Variants in MYO16 observed in about 807,000 individuals in gnomAD.
MYO16 encodes unconventional myosin-XVI.
MYO16 carries 94 observed loss-of-function variants against 205.3 expected under a neutral mutation model. The ratio of observed to expected loss-of-function variants is 0.46; its 90% confidence interval spans 0.39 to 0.54. The LOEUF (loss-of-function observed/expected upper bound fraction) is 0.54, where lower values mean the gene tolerates loss of function less well. Among genes scored for constraint, MYO16 ranks in the 20% least tolerant of loss-of-function variants. The pLI, the probability that MYO16 is intolerant of heterozygous loss-of-function variation, is 0.00. For missense variants in MYO16, 2,315 were observed against 2,387.5 expected, an observed-to-expected ratio of 0.97 and a Z score of 0.63; for synonymous variants, 988 against 954.0, an observed-to-expected ratio of 1.04 and a Z score of -0.66.
At chr13:109,185,955 T>G (rs376175259) in intron 34 of MYO16, among the ~76,000 whole-genome samples, 32 of 152,242 alleles carry the variant, frequency 2.1e-4, no homozygotes, top group South Asian at 1.2e-3. Flanking sequence ...GGACTTTTTT[T>G]TCCATTTTGA....
chr13:108,555,645 T>G, the MYO16 span, among the ~76,000 whole-genome samples: 1 of 152,190 alleles, frequency 6.6e-6, no homozygotes, highest in African/African-American at 2.4e-5. Flanking sequence ...ATACAAGAAT[T>G]TGTCATTAAC....
intron 16 of MYO16, among the ~76,000 whole-genome samples, chr13:108,939,897 T>C (rs1882651717): frequency 6.6e-6 from 1 of 152,164 alleles, no homozygotes; most frequent in African/African-American, 2.4e-5. Context: ...ATATCATATA[T>C]TAGCTTTACT....
At chr13:108,580,265 C>A in the MYO16 span, among the ~76,000 whole-genome samples, 1 of 152,134 alleles carries the variant, frequency 6.6e-6, no homozygotes, top group Non-Finnish European at 1.5e-5. Context: ...CTAAATCATA[C>A]CCATAATGCA....
chr13:108,652,378 G>C (rs1199201887), intron 1 of MYO16, among the ~76,000 whole-genome samples: 1 of 152,194 alleles, frequency 6.6e-6, no homozygotes, highest in Non-Finnish European at 1.5e-5. Flanking sequence ...CTAGCTGCTT[G>C]TGTCTTATCA....
At position 109,207,079 on chromosome 13, in the gene MYO16, C is replaced by T. The variant is rs930955556; in HGVS notation, c.*243C>T. ...CTCTGATTTTCAAGCTCCTCATTTA[C>T]GGCTCTGTGCTACCCCTAGGTAGCA... On this transcript the variant is annotated 3_prime_UTR_variant, in exon 35 of 35. Transcript: ENST00000457511. The T allele has an allele frequency of 4.3e-5, 21 of 483,770 alleles. No individual in the cohort carries two copies. The highest frequency in any genetic ancestry group is 5.7e-4 in the Middle Eastern group (1 of 1,756). 30.0% of individuals were successfully genotyped at this position (483,770 alleles called of 1,614,324 possible).
chr13:108,671,081 G>A (rs79492555), intron 2 of MYO16, among the ~76,000 whole-genome samples: 18,731 of 152,148 alleles, frequency 0.12, 1,451 homozygotes, highest in South Asian at 0.3. Flanking sequence ...ATTTTTATTT[G>A]AATTAATACA....
At chr13:108,666,722 C>G (rs1881749447) in intron 2 of MYO16, among the ~76,000 whole-genome samples, 1 of 152,124 alleles carries the variant, frequency 6.6e-6, no homozygotes. Context: ...TCTTTTCTCC[C>G]TTAAAGTTGT....
intron 27 of MYO16, among the ~76,000 whole-genome samples, chr13:109,071,559 T>A (rs1028047526): frequency 2.0e-5 from 3 of 152,196 alleles, no homozygotes; most frequent in Non-Finnish European, 2.9e-5. Flanking sequence ...ATACAACATG[T>A]GGCATTCATC....
At chr13:109,120,252 A>G in intron 28 of MYO16, 118 bp from the exon 29 acceptor site, 1 of 672,068 alleles carries the variant, frequency 1.5e-6, no homozygotes, top group Admixed American at 2.9e-5. Context: ...ATGTACTCTA[A>G]TTTTCTGAGT....
At chr13:109,114,631 A>G (rs1276474340) in intron 28 of MYO16, among the ~76,000 whole-genome samples, 2 of 152,204 alleles carry the variant, frequency 1.3e-5, no homozygotes, top group Non-Finnish European at 2.9e-5. Flanking sequence ...GGATATCACA[A>G]GTGCACATTT....
At chr13:109,056,116 G>A (rs1490755169) in intron 27 of MYO16, 1 of 154,072 alleles carries the variant, frequency 6.5e-6, no homozygotes, top group East Asian at 1.9e-4. Flanking sequence ...GATAGACAGT[G>A]TGCCATGGTG....
upstream of MYO16, among the ~76,000 whole-genome samples, chr13:108,591,362 A>C (rs1015124297): frequency 3.3e-5 from 5 of 152,250 alleles, no homozygotes; most frequent in African/African-American, 1.2e-4. Flanking sequence ...CCTAAACATA[A>C]AAGAGGAGCA....
chr13:109,126,587 A>G (rs538427832), intron 30 of MYO16, among the ~76,000 whole-genome samples: 8 of 152,264 alleles, frequency 5.3e-5, no homozygotes, highest in South Asian at 2.1e-4. Flanking sequence ...CAATTTCTCA[A>G]TTTGATTATG....
At chr13:108,693,370 C>T (rs1394620224) in intron 2 of MYO16, among the ~76,000 whole-genome samples, 9 of 152,250 alleles carry the variant, frequency 5.9e-5, no homozygotes, top group East Asian at 3.9e-4. Flanking sequence ...ATATTGTGCC[C>T]ATTAATTAGT....
At chr13:108,744,499 TA>T (rs1170549767) in intron 4 of MYO16, among the ~76,000 whole-genome samples, 2 of 152,248 alleles carry the variant, frequency 1.3e-5, no homozygotes, top group Non-Finnish European at 2.9e-5. Context: ...CTCTCACGTT[TA>T]CACTGAAGCT....
chr13:108,600,370 A>G lies in MYO16; in HGVS notation c.-39+4131A>G, dbSNP rs1878719136. ...TTATAACATTTTACCTACTACATAG[A>G]GCTGTGAGCATTGAAATAACACAAT... On this transcript the variant is annotated intron_variant, in intron 1 of 24. Transcript: ENST00000251041. 2.0e-5 allele frequency among the ~76,000 whole-genome samples: 3 copies of G among 152,276 alleles called. No individual in the cohort carries two copies. The South Asian group carries it at 6.2e-4, about 32-fold the overall frequency.
In MYO16 at chr13:109,141,150, C is replaced by G. The variant is rs775304803; in HGVS notation, c.4938C>G (p.Pro1646=). The G allele has an allele frequency of 5.6e-6, 9 of 1,602,836 alleles. No homozygotes were observed. The highest frequency in any genetic ancestry group is 7.7e-6 in the Non-Finnish European group (9 of 1,174,760). The change falls in exon 32 of 35, where the codon CCC becomes CCG. Residue 1646 remains proline (P), a synonymous_variant. Transcript: ENST00000457511. This position sits in a 1 kb window ranked among gnomAD's most constrained non-coding sequence, Gnocchi z 4.1. ...PKVHPKPNSA[P]VAGPCSSFPK... is the part of the protein sequence containing the mutation. ...TTCACCCAAAGCCAAACTCTGCCCC[C>G]GTGGCCGGGCCCTGCAGCTCCTTCC...
intron 23 of MYO16, among the ~76,000 whole-genome samples, chr13:109,029,648 TA>T (rs1008229948): frequency 6.6e-6 from 1 of 152,206 alleles, no homozygotes; most frequent in African/African-American, 2.4e-5. Flanking sequence ...CTGATACTCT[TA>T]AAAGCTATTT....
chr13:108,557,846 C>T, the MYO16 span, among the ~76,000 whole-genome samples: 1 of 152,030 alleles, frequency 6.6e-6, no homozygotes, highest in African/African-American at 2.4e-5. Flanking sequence ...ATTACATATG[C>T]ATTTCCTTTT....
Sources: allele counts gnomAD v4.1 joint callset (sites outside exome capture counted in the v4.1 genomes callset), GRCh38; gene constraint gnomAD v4.1.1; non-coding constraint Gnocchi (gnomAD v3.1); transcripts MANE v1.5; gene names NCBI Gene and HGNC (gene_info 2026-07-23, HGNC 2026-07-21).